Variants in GRID2 observed in about 807,000 individuals in gnomAD.
The protein encoded by GRID2 is glutamate receptor ionotropic, delta-2.
Under a neutral mutation model 114.8 loss-of-function variants are expected in GRID2, and 33 were observed. The ratio of observed to expected loss-of-function variants is 0.29; its 90% CI spans 0.22 to 0.38. The LOEUF is 0.38. Among genes scored for constraint, GRID2 ranks in the 10% least tolerant of loss-of-function variants. GRID2 has a pLI of 1.00. For missense variants in GRID2, 1,184 were observed against 1,257.7 expected, an observed-to-expected ratio of 0.94 and a Z score of 0.89; for synonymous variants, 505 against 449.9, an observed-to-expected ratio of 1.12 and a Z score of -1.55.
intron 8 of GRID2, among the ~76,000 whole-genome samples, chr4:93,330,749 C>T (rs1337595637): frequency 6.6e-6 from 1 of 152,054 alleles, no homozygotes; most frequent in Non-Finnish European, 1.5e-5. Flanking sequence ...AGGCCATTTA[C>T]TCCATATAGA....
intron 9 of GRID2, among the ~76,000 whole-genome samples, chr4:93,413,939 T>G (rs964545252): frequency 6.6e-6 from 1 of 152,212 alleles, no homozygotes; most frequent in Non-Finnish European, 1.5e-5. Flanking sequence ...TTTAGTCTAT[T>G]GATTGAAAGC....
At chr4:93,702,615 G>A (rs891521115) in intron 14 of GRID2, among the ~76,000 whole-genome samples, 5 of 152,158 alleles carry the variant, frequency 3.3e-5, no homozygotes, top group African/African-American at 1.2e-4. Flanking sequence ...TTGGAAACAC[G>A]GAATTTATGG....
At chr4:92,682,088 T>G (rs1733677784) in intron 2 of GRID2, among the ~76,000 whole-genome samples, 1 of 150,884 alleles carries the variant, frequency 6.6e-6, no homozygotes, top group Non-Finnish European at 1.5e-5. Flanking sequence ...AAAGAGTCTT[T>G]TTTTTTTTAA....
chr4:93,454,976 G>C (rs1723051196), intron 10 of GRID2, among the ~76,000 whole-genome samples: 1 of 152,070 alleles, frequency 6.6e-6, no homozygotes, highest in Non-Finnish European at 1.5e-5. Flanking sequence ...AGTAAATGCT[G>C]TAGTTAAGAG....
intron 4 of GRID2, among the ~76,000 whole-genome samples, chr4:93,151,324 C>T (rs191302259): frequency 2.6e-5 from 4 of 151,946 alleles, no homozygotes; most frequent in African/African-American, 9.6e-5. Flanking sequence ...ATCCCACATA[C>T]TAAAAACAGG....
At chr4:92,830,650 T>C (rs1263106366) in intron 2 of GRID2, among the ~76,000 whole-genome samples, 3 of 152,240 alleles carry the variant, frequency 2.0e-5, no homozygotes, top group African/African-American at 7.2e-5. Context: ...CACAGACTGC[T>C]ATGGGCAGAT....
chr4:93,523,563 C>T (rs1467185472), intron 13 of GRID2, among the ~76,000 whole-genome samples: 1 of 152,160 alleles, frequency 6.6e-6, no homozygotes, highest in African/African-American at 2.4e-5. Flanking sequence ...CTGGAAATTT[C>T]AGACTTTCCA....
At chr4:92,540,449 A>C (rs1273442240) in intron 1 of GRID2, among the ~76,000 whole-genome samples, 1 of 152,216 alleles carries the variant, frequency 6.6e-6, no homozygotes, top group Non-Finnish European at 1.5e-5. Context: ...CAAATTTACA[A>C]GAAAAAAACA....
chr4:93,792,887 AC>A (rs1734722990), intron 1 of GRID2, among the ~76,000 whole-genome samples: 2 of 152,130 alleles, frequency 1.3e-5, no homozygotes, highest in Non-Finnish European at 2.9e-5. Context: ...TGGAGGTCCC[AC>A]CTATTCCTTT....
At chr4:92,789,540 C>A (rs994315425) in intron 2 of GRID2, among the ~76,000 whole-genome samples, 9 of 151,802 alleles carry the variant, frequency 5.9e-5, no homozygotes, top group African/African-American at 2.2e-4. Context: ...TTAACTCTCT[C>A]CTCTTTCGGA....
At chr4:93,375,929 G>A (rs1178209509) in intron 8 of GRID2, among the ~76,000 whole-genome samples, 1 of 152,082 alleles carries the variant, frequency 6.6e-6, no homozygotes, top group African/African-American at 2.4e-5. Flanking sequence ...GAGTTCAAAA[G>A]CAAGGTGCCA....
At chr4:93,105,058 G>C (rs1431590075) in intron 3 of GRID2, among the ~76,000 whole-genome samples, 1 of 152,062 alleles carries the variant, frequency 6.6e-6, no homozygotes, top group Non-Finnish European at 1.5e-5. Context: ...CTGATGGCCA[G>C]TGATGATGAG....
intron 1 of GRID2, among the ~76,000 whole-genome samples, chr4:92,563,875 C>T (rs185103544): frequency 1.2e-4 from 19 of 152,132 alleles, no homozygotes; most frequent in Admixed American, 5.9e-4. Flanking sequence ...CCTATCAGTG[C>T]GCACTCCATA....
chr4:93,517,264 A>G (rs1235121579), intron 13 of GRID2, among the ~76,000 whole-genome samples: 1 of 152,056 alleles, frequency 6.6e-6, no homozygotes, highest in Non-Finnish European at 1.5e-5. Context: ...TTTATTGTTT[A>G]ATATTTCCTA....
chr4:92,346,201 A>G (rs532947611), intron 1 of GRID2, among the ~76,000 whole-genome samples: 5 of 152,310 alleles, frequency 3.3e-5, no homozygotes, highest in South Asian at 4.1e-4. Context: ...TCTGAGATCA[A>G]TTCAAAGGAG....
intron 13 of GRID2, among the ~76,000 whole-genome samples, chr4:93,614,157 G>T (rs954257950): frequency 6.6e-6 from 1 of 152,146 alleles, no homozygotes; most frequent in East Asian, 1.9e-4. Flanking sequence ...GCAATGCCTC[G>T]CCCTGCTTCA....
intron 2 of GRID2, among the ~76,000 whole-genome samples, chr4:92,674,923 G>A (rs147217026): frequency 3.9e-5 from 6 of 152,072 alleles, no homozygotes; most frequent in Admixed American, 3.9e-4. Flanking sequence ...GGTCCCCTCT[G>A]TATCTGTTTG....
intron 1 of GRID2, among the ~76,000 whole-genome samples, chr4:92,339,584 C>A (rs1304412925): frequency 2.0e-5 from 3 of 152,090 alleles, no homozygotes; most frequent in Non-Finnish European, 4.4e-5. Context: ...TAAACATGAG[C>A]AAAGGAGACA....
chr4:93,177,493 T>G (rs1739457399), intron 4 of GRID2, among the ~76,000 whole-genome samples: 1 of 152,046 alleles, frequency 6.6e-6, no homozygotes, highest in Non-Finnish European at 1.5e-5. Flanking sequence ...AGCAAAGAAA[T>G]CAAGATTTAA....
Sources: allele counts gnomAD v4.1 joint callset (sites outside exome capture counted in the v4.1 genomes callset), GRCh38; gene constraint gnomAD v4.1.1; transcripts MANE v1.5; gene names NCBI Gene and HGNC (gene_info 2026-07-23, HGNC 2026-07-21).